PPP2R2C: variants seen among roughly 807,000 people sequenced by gnomAD.
PPP2R2C encodes protein phosphatase 2, regulatory subunit B, gamma.
In PPP2R2C, 10 loss-of-function variants were observed where a neutral mutation model predicts 45.3. The observed-to-expected ratio is 0.22, with a 90% CI of 0.14 to 0.37. The LOEUF is 0.37. PPP2R2C is among the 10% of genes least tolerant of loss of function. The pLI, the probability that PPP2R2C is intolerant of heterozygous loss-of-function variation, is 1.00. For missense variants in PPP2R2C, 308 were observed against 619.7 expected (o/e 0.50, Z 5.34); for synonymous variants, 257 against 245.4 (o/e 1.05, Z -0.44).
chr4:6,395,375 G>A (rs535160793), intron 1 of PPP2R2C, among the ~76,000 whole-genome samples: 7 of 152,196 alleles, frequency 4.6e-5, no homozygotes, highest in South Asian at 2.1e-4. Context: ...AACGGACCCC[G>A]CGGGCATGTC....
intron 2 of PPP2R2C, among the ~76,000 whole-genome samples, chr4:6,511,863 G>A (rs1175224834): frequency 1.1e-5 from 1 of 93,852 alleles, no homozygotes; most frequent in African/African-American, 4.0e-5. Context: ...TGGTGGTGGT[G>A]ATGGTGGTGG....
chr4:6,465,277 G>C lies in PPP2R2C; in HGVS notation c.70+6883C>G, dbSNP rs118014325. 3.3e-5 allele frequency among the ~76,000 whole-genome samples: 5 copies of C among 152,270 alleles called. No individual in the cohort carries two copies. The East Asian group carries it at 9.7e-4, about 29-fold the overall frequency. On this transcript the variant is annotated intron_variant, in intron 1 of 8. Coordinates refer to ENST00000382599, the MANE Select transcript of PPP2R2C (RefSeq NM_020416.4). The stretch of plus-strand genomic sequence containing the variant: ...TTCTAGCTTGTAAAATAAGATAACT[G>C]TTGGCCTCTCCCCTGTAGAGCAACC...
chr4:6,513,586 C>T (rs1330335676), intron 2 of PPP2R2C, among the ~76,000 whole-genome samples: 5 of 152,320 alleles, frequency 3.3e-5, no homozygotes, highest in African/African-American at 1.2e-4. Context: ...TTGTGCAGCT[C>T]CCTGATGAGC....
rs76583008 is a variant in PPP2R2C at position 6,360,461 on chromosome 4, C to T, written c.625+12062G>A. 8.9e-3 allele frequency among the ~76,000 whole-genome samples: 1,359 copies of T among 152,262 alleles called. 19 individuals carry two copies. Among genetic ancestry groups the T allele is most frequent in the African/African-American group, 0.03 (1,254 of 41,546 alleles). ...ACCGATTTCACCGAGCACAGTGAGG[C>T]TCATCCAGATGTCTCGGCAGGAGCC... On this transcript the variant is annotated intron_variant, in intron 5 of 8. Coordinates refer to ENST00000382599, the MANE Select transcript of PPP2R2C (RefSeq NM_020416.4).
chr4:6,435,380 GA>G (rs999410710), intron 1 of PPP2R2C, among the ~76,000 whole-genome samples: 9 of 152,174 alleles, frequency 5.9e-5, no homozygotes, highest in African/African-American at 1.9e-4. Context: ...CACCTCTCCT[GA>G]GTTCTTGTAT....
At chr4:6,414,022 T>A in intron 1 of PPP2R2C, 1 of 1,530,542 alleles carries the variant, frequency 6.5e-7, no homozygotes, top group East Asian at 2.5e-5. Flanking sequence ...CAGATCTATG[T>A]GGCCCAAATC....
chr4:6,429,637 G>C (rs1719512420), intron 1 of PPP2R2C, among the ~76,000 whole-genome samples: 1 of 152,134 alleles, frequency 6.6e-6, no homozygotes, highest in South Asian at 2.1e-4. Context: ...CCCTGACACT[G>C]CTTGTTGTCT....
rs552100270 is a variant in PPP2R2C at position 6,481,788 on chromosome 4, G to A, written c.49+53483C>T. On this transcript the variant is annotated intron_variant, in intron 2 of 9. Transcript: ENST00000506140. The stretch of plus-strand genomic sequence containing the variant: ...GAGGTCAGGAGTTCGAGACAAGCCT[G>A]GTCAACATGATGAGACCCCATCTCT... Among the ~76,000 whole-genome samples the A allele has an allele frequency of 2.1e-4, 32 of 152,024 alleles. No individual in the cohort carries two copies. In the South Asian group the frequency reaches 6.7e-3, roughly 32 times the overall value.
intron 2 of PPP2R2C, among the ~76,000 whole-genome samples, chr4:6,533,711 C>G (rs1042090519): frequency 1.3e-5 from 2 of 152,088 alleles, no homozygotes; most frequent in Admixed American, 6.6e-5. Context: ...GGTAGAAACC[C>G]AAGATGGCAG....
chr4:6,441,632 T>C (rs949032699), intron 1 of PPP2R2C, among the ~76,000 whole-genome samples: 1 of 152,312 alleles, frequency 6.6e-6, no homozygotes, highest in Admixed American at 6.5e-5. Flanking sequence ...CAGCCAGGGC[T>C]CTACCCTCAT....
At chr4:6,379,871 A>C (rs1204431156) in intron 2 of PPP2R2C, among the ~76,000 whole-genome samples, 1 of 152,096 alleles carries the variant, frequency 6.6e-6, no homozygotes, top group Non-Finnish European at 1.5e-5. Context: ...AGACTCAAGG[A>C]TCCTCAGTTC....
intron 1 of PPP2R2C, among the ~76,000 whole-genome samples, chr4:6,427,288 T>C (rs1719381876): frequency 6.6e-6 from 1 of 152,216 alleles, no homozygotes; most frequent in Non-Finnish European, 1.5e-5. Flanking sequence ...AGTTTAACGT[T>C]CAGCATCTCA....
At chr4:6,326,012 A>C (rs1731909944) in intron 8 of PPP2R2C, among the ~76,000 whole-genome samples, 1 of 152,220 alleles carries the variant, frequency 6.6e-6, no homozygotes, top group Non-Finnish European at 1.5e-5. Flanking sequence ...TGCACTCCCT[A>C]TCCCTGTGAG....
Position 6,350,523 on chromosome 4 carries a change from G to A in PPP2R2C, c.626-2513C>T. On this transcript the variant is annotated intron_variant, in intron 5 of 8. Transcript: ENST00000382599. ...GCGCCCAGGAACGTGAGTCCCACAGGAGTTCTGTTTGCGTCATCAGGACAC... is the reference window on the plus strand; with the variant it reads ...GCGCCCAGGAACGTGAGTCCCACAGAAGTTCTGTTTGCGTCATCAGGACAC... 5 of 985,312 alleles carry A rather than the reference G, an allele frequency of 5.1e-6. No homozygotes were observed. In the South Asian group the frequency reaches 2.3e-4, roughly 46 times the overall value. The allele number at this position is 985,312 out of a possible 1,614,324, so 61.0% of individuals were successfully genotyped here.
At chr4:6,354,287 T>C (rs1257166142) in intron 5 of PPP2R2C, among the ~76,000 whole-genome samples, 1 of 151,772 alleles carries the variant, frequency 6.6e-6, no homozygotes, top group African/African-American at 2.4e-5. Flanking sequence ...TTCCTCAGTC[T>C]CACCTTGGCC....
intron 1 of PPP2R2C, among the ~76,000 whole-genome samples, chr4:6,403,466 C>T (rs544919248): frequency 2.6e-5 from 4 of 152,330 alleles, no homozygotes; most frequent in South Asian, 4.1e-4. Flanking sequence ...TGAGGCTGTG[C>T]GCCAGGGGTT....
chr4:6,512,446 G>GTGA (rs200480148), intron 2 of PPP2R2C, among the ~76,000 whole-genome samples: 1 of 113,198 alleles, frequency 8.8e-6, no homozygotes, highest in Admixed American at 9.0e-5. Flanking sequence ...GATGGTGGCG[G>GTGA]TGGTGGTGGT....
chr4:6,414,229 A>G (rs1158917475), intron 1 of PPP2R2C, among the ~76,000 whole-genome samples: 1 of 151,986 alleles, frequency 6.6e-6, no homozygotes, highest in Admixed American at 6.5e-5. Context: ...GTGAGCTGGT[A>G]AGTTCATCAG....
chr4:6,387,670 G>A (rs1029169061), intron 1 of PPP2R2C, among the ~76,000 whole-genome samples: 12 of 151,966 alleles, frequency 7.9e-5, no homozygotes, highest in South Asian at 2.1e-4. Flanking sequence ...AAAATTATCC[G>A]GGCATGGTGG....
Sources: allele counts gnomAD v4.1 joint callset (sites outside exome capture counted in the v4.1 genomes callset), GRCh38; gene constraint gnomAD v4.1.1; transcripts MANE v1.5; gene names NCBI Gene and HGNC (gene_info 2026-07-23, HGNC 2026-07-21).